LAMA3: variants seen among roughly 807,000 people sequenced by gnomAD.
LAMA3 encodes laminin subunit alpha 3.
A neutral mutation model predicts 402.0 loss-of-function variants in LAMA3; 281 were observed. The observed-to-expected ratio is 0.70, with a 90% CI of 0.63 to 0.77. The LOEUF is 0.77. Ranked by LOEUF, LAMA3 falls within the 30% of genes least tolerant of loss-of-function variation. LAMA3 has a pLI of 0.00. For missense variants in LAMA3, 3,840 were observed against 4,215.5 expected (o/e 0.91, Z 2.47); for synonymous variants, 1,431 against 1,558.4 (o/e 0.92, Z 1.93).
chr18:23,867,982 T>C, intron 37 of LAMA3, 65 bp downstream of exon 37: 3 of 1,226,276 alleles, frequency 2.4e-6, no homozygotes, highest in Non-Finnish European at 3.6e-6. Context: ...CAGACAATCA[T>C]GATTTTTACT....
chr18:23,763,140 G>A (rs1035356100), intron 7 of LAMA3, among the ~76,000 whole-genome samples: 2 of 152,100 alleles, frequency 1.3e-5, no homozygotes, highest in Admixed American at 6.6e-5. Flanking sequence ...TTACAGGTGT[G>A]AGCCACTATG....
At chr18:23,864,998 A>G (rs2064319546) in intron 36 of LAMA3, 115 bp downstream of exon 36, 1 of 740,882 alleles carries the variant, frequency 1.3e-6, no homozygotes, top group African/African-American at 1.7e-5. Flanking sequence ...AATCATTTCC[A>G]ATATTTTGCA....
intron 73 of LAMA3, among the ~76,000 whole-genome samples, chr18:23,952,478 CT>C (rs1345370156): frequency 1.3e-5 from 2 of 152,024 alleles, no homozygotes; most frequent in Non-Finnish European, 2.9e-5. Flanking sequence ...GCTAAAATAC[CT>C]TTTGTAAAAA....
At chr18:23,844,484 C>T (rs1342333083) in intron 29 of LAMA3, among the ~76,000 whole-genome samples, 3 of 152,200 alleles carry the variant, frequency 2.0e-5, no homozygotes, top group South Asian at 2.1e-4. Context: ...CTTAAGGTCC[C>T]GTGACCCAGC....
chr18:23,858,915 C>T (rs1349180356), intron 34 of LAMA3, 86 bp downstream of exon 34: 10 of 1,383,514 alleles, frequency 7.2e-6, no homozygotes, highest in African/African-American at 1.4e-5. Flanking sequence ...CCTTGGCCTG[C>T]AGTGTTTTAA....
chr18:23,758,575 G>A (rs898274562), intron 7 of LAMA3, 64 bp downstream of exon 7: 2 of 1,226,750 alleles, frequency 1.6e-6, no homozygotes, highest in Middle Eastern at 2.4e-4. Context: ...GGGGGCTGAG[G>A]CTATTTTCCC....
intron 8 of LAMA3, among the ~76,000 whole-genome samples, chr18:23,770,395 CA>C (rs1158455994): frequency 1.3e-5 from 2 of 151,274 alleles, no homozygotes. Context: ...AAAAAAACCT[CA>C]AAAAAATTCA....
intron 4 of LAMA3, among the ~76,000 whole-genome samples, chr18:23,750,446 T>G (rs949151435): frequency 3.6e-5 from 5 of 139,942 alleles, no homozygotes; most frequent in African/African-American, 1.0e-4. Context: ...TTTTTTTTTT[T>G]TTTTTTTTTT....
intron 59 of LAMA3, among the ~76,000 whole-genome samples, chr18:23,915,753 C>T (rs1217049097): frequency 6.6e-6 from 1 of 151,792 alleles, no homozygotes; most frequent in Non-Finnish European, 1.5e-5. Context: ...TGCCTGTAAT[C>T]CCAGCACTTT....
intron 41 of LAMA3, among the ~76,000 whole-genome samples, chr18:23,889,310 C>A (rs1487181081): frequency 6.6e-6 from 1 of 151,928 alleles, no homozygotes; most frequent in Non-Finnish European, 1.5e-5. Context: ...ACCTGTAGTT[C>A]CAGTTTTTTG....
chr18:23,869,511 G>A (rs552806054), intron 37 of LAMA3, among the ~76,000 whole-genome samples: 2 of 152,120 alleles, frequency 1.3e-5, no homozygotes, highest in Non-Finnish European at 2.9e-5. Flanking sequence ...ATTACAAATT[G>A]TATGCTTAAA....
At chr18:23,840,698 G>C (rs1268554225) in intron 27 of LAMA3, among the ~76,000 whole-genome samples, 3 of 152,024 alleles carry the variant, frequency 2.0e-5, no homozygotes, top group Non-Finnish European at 2.9e-5. Flanking sequence ...GAGCACAAAG[G>C]TGAAATATAA....
At chr18:23,844,959 G>A (rs775836084) in intron 29 of LAMA3, 50 bp from the exon 30 acceptor site, 3 of 1,026,240 alleles carry the variant, frequency 2.9e-6, no homozygotes, top group Non-Finnish European at 4.7e-6. Context: ...GTAGCCTTAG[G>A]TCTGTGTCAT....
At chr18:23,936,505 G>A (rs1380065896) in intron 67 of LAMA3, among the ~76,000 whole-genome samples, 1 of 151,478 alleles carries the variant, frequency 6.6e-6, no homozygotes, top group East Asian at 2.0e-4. Flanking sequence ...TCAGAGCTCA[G>A]TGGGGATCTC....
At position 23,826,627 on chromosome 18, in the gene LAMA3, A is replaced by G. The variant is rs1015234958; in HGVS notation, c.2572-75A>G. The G allele has an allele frequency of 1.4e-5, 15 of 1,048,606 alleles. No homozygotes were observed. In the African/African-American group the frequency reaches 1.9e-4, roughly 13 times the overall value. The allele number at this position is 1,048,606 out of a possible 1,614,324, so 65.0% of individuals were successfully genotyped here. A position where few individuals can be genotyped will look rare whatever the true frequency, so the allele number is the denominator to read the frequency against. On this transcript the variant is annotated intron_variant, in intron 21 of 74. Coordinates refer to ENST00000313654, the MANE Select transcript of LAMA3 (RefSeq NM_198129.4). ...CCTGGTTATTATTGATTTAACTAGT[A>G]TGTTTGATTATTTTCTATCCAAAGT...
Position 23,758,432 on chromosome 18 carries a change from G to A in LAMA3, c.984G>A (p.Glu328=). 4 of 1,614,196 alleles carry A rather than the reference G, an allele frequency of 2.5e-6. No homozygotes were observed. The highest frequency in any genetic ancestry group is 3.4e-6 in the Non-Finnish European group (4 of 1,180,020). ...RCECQHHTCG[E]TCDRCCTGYN... ...AATGCCAGCACCACACCTGTGGGGAGACGTGTGATCGCTGCTGCACAGGGT... is the reference window on the plus strand; with the variant it reads ...AATGCCAGCACCACACCTGTGGGGAAACGTGTGATCGCTGCTGCACAGGGT... Residue 328 remains glutamate, a synonymous_variant, in exon 7 of 75, where the codon GAG becomes GAA. Coordinates refer to ENST00000313654, the MANE Select transcript of LAMA3 (RefSeq NM_198129.4).
rs539172700 is a variant in LAMA3, at chr18:23,833,895, C to T, written c.2891C>T (p.Thr964Met). 2.5e-5 allele frequency: 41 copies of T among 1,614,104 alleles called. No homozygotes were observed. The highest frequency in any genetic ancestry group is 1.7e-4 in the Middle Eastern group (1 of 6,018). Residue 964 changes from threonine (T) to methionine (M), a missense_variant, in exon 24 of 75, where the codon ACG becomes ATG. By Grantham distance (81) the Thr-to-Met change is moderately conservative. Transcript: ENST00000313654. ...TACGTGGTTGTGGTCGAGTATTCCA[C>T]GGAGGCAGCTCAGCTGTTTGTGGTT... ...GHYVVVVEYS[T>M]EAAQLFVVDV...
chr18:23,932,189 T>C lies in LAMA3; in HGVS notation c.8606T>C (p.Leu2869Pro). 1 of 1,614,154 alleles carries C rather than the reference T, an allele frequency of 6.2e-7. No homozygotes were observed. Among genetic ancestry groups the C allele is most frequent in the Non-Finnish European group, 8.5e-7 (1 of 1,179,966 alleles). Residue 2869 changes from leucine to proline, a missense_variant, in exon 66 of 75, where the codon CTG becomes CCG. Leu to Pro is a moderately conservative substitution (Grantham distance 98, BLOSUM62 -3). Transcript: ENST00000313654. ...GLRLLIDDQL[L>P]RNSKRLKHIS... ...CGGCTTCTCATCGATGACCAGCTTC[T>C]GAGAAATAGCAAAAGGCTAAAACAC...
intron 51 of LAMA3, 100 bp downstream of exon 51, chr18:23,904,794 T>C (rs1192498943): frequency 1.5e-6 from 2 of 1,296,574 alleles, no homozygotes; most frequent in Non-Finnish European, 2.2e-6. Context: ...CAAAGCATTA[T>C]TTTAAATCAG....
Sources: gnomAD v4.1 joint callset for allele counts (sites outside exome capture counted in the v4.1 genomes callset) on GRCh38, gnomAD v4.1.1 for gene constraint, MANE v1.5 for transcripts, NCBI Gene and HGNC (gene_info 2026-07-23, HGNC 2026-07-21) for gene names.